The following MAGI2 variants were observed in gnomAD, a reference collection of about 807,000 sequenced individuals.
MAGI2 encodes the protein membrane associated guanylate kinase, WW and PDZ domain containing 2, also known as membrane-associated guanylate kinase, WW and PDZ domain-containing protein 2.
In MAGI2, 35 loss-of-function variants were observed where a neutral mutation model predicts 133.3. That is an observed-to-expected ratio of 0.26 (90% CI 0.20 to 0.35). The LOEUF (loss-of-function observed/expected upper bound fraction) is 0.35. Among genes scored for constraint, MAGI2 ranks in the 10% least tolerant of loss-of-function variants. The probability of loss-of-function intolerance (pLI) is 1.00; values close to 1 mark genes in which losing one functional copy is unlikely to be tolerated. For missense variants in MAGI2, 1,636 were observed against 1,863.4 expected (o/e 0.88, Z 2.25); for synonymous variants, 729 against 710.6 (o/e 1.03, Z -0.41).
At chr7:79,197,100 T>G (rs1828155330) in intron 1 of MAGI2, among the ~76,000 whole-genome samples, 2 of 151,750 alleles carry the variant, frequency 1.3e-5, no homozygotes, top group African/African-American at 4.9e-5. Context: ...GTTTTTTACA[T>G]CAAAAGCCCT....
intron 1 of MAGI2, among the ~76,000 whole-genome samples, chr7:79,237,918 T>C (rs921982086): frequency 2.0e-5 from 3 of 152,174 alleles, no homozygotes; most frequent in Admixed American, 6.5e-5. Context: ...TGGAGAATAT[T>C]ATGGAAAAGG....
At chr7:78,956,718 C>T (rs1802408944) in intron 2 of MAGI2, among the ~76,000 whole-genome samples, 1 of 152,138 alleles carries the variant, frequency 6.6e-6, no homozygotes, top group Admixed American at 6.6e-5. Flanking sequence ...GCATATACTA[C>T]TATTCTCTAA....
intron 3 of MAGI2, among the ~76,000 whole-genome samples, chr7:78,526,930 C>T (rs1479039024): frequency 7.0e-6 from 1 of 141,876 alleles, no homozygotes; most frequent in Non-Finnish European, 1.5e-5. Context: ...ATCGCTTGAA[C>T]CTGGGAGGCA....
At chr7:78,396,942 T>C (rs1796400719) in intron 6 of MAGI2, among the ~76,000 whole-genome samples, 2 of 152,118 alleles carry the variant, frequency 1.3e-5, no homozygotes. Flanking sequence ...TTCATTTAGC[T>C]TCCTAGTTGG....
chr7:78,182,963 T>C (rs1247720996), intron 13 of MAGI2, among the ~76,000 whole-genome samples: 2 of 152,338 alleles, frequency 1.3e-5, no homozygotes, highest in East Asian at 3.9e-4. Flanking sequence ...TAGGAGTTGC[T>C]AAATAAACAT....
At chr7:78,792,648 A>G (rs1432431100) in intron 2 of MAGI2, among the ~76,000 whole-genome samples, 3 of 152,206 alleles carry the variant, frequency 2.0e-5, no homozygotes, top group Non-Finnish European at 4.4e-5. Context: ...TGCTTTTTAT[A>G]TTTCTCACAC....
intron 1 of MAGI2, among the ~76,000 whole-genome samples, chr7:79,235,391 G>C (rs1402114897): frequency 6.6e-6 from 1 of 152,028 alleles, no homozygotes; most frequent in South Asian, 2.1e-4. Context: ...CCCTCCCCCA[G>C]CCTCGCTGCC....
At chr7:78,101,633 T>C (rs1031929689) in intron 20 of MAGI2, among the ~76,000 whole-genome samples, 1 of 152,184 alleles carries the variant, frequency 6.6e-6, no homozygotes, top group South Asian at 2.1e-4. Context: ...CTCCTTGACA[T>C]TGGTTTTGGC....
intron 2 of MAGI2, among the ~76,000 whole-genome samples, chr7:78,647,054 G>A (rs923701088): frequency 1.1e-4 from 17 of 152,052 alleles, no homozygotes; most frequent in Admixed American, 3.9e-4. Context: ...TAAACATATT[G>A]ACCAAACAAT....
At chr7:78,810,481 A>G (rs552317589) in intron 2 of MAGI2, among the ~76,000 whole-genome samples, 2 of 152,330 alleles carry the variant, frequency 1.3e-5, no homozygotes, top group African/African-American at 4.8e-5. Context: ...TTTCATTAAT[A>G]TAAACAGAGT....
intron 2 of MAGI2, among the ~76,000 whole-genome samples, chr7:78,648,302 C>G (rs374843943): frequency 2.6e-5 from 4 of 152,082 alleles, no homozygotes; most frequent in South Asian, 4.1e-4. Flanking sequence ...AAGGAAAAAC[C>G]GAAAAATAAA....
intron 12 of MAGI2, among the ~76,000 whole-genome samples, chr7:78,188,935 C>T (rs3807659): frequency 0.28 from 42,057 of 151,998 alleles, 6,394 homozygotes; most frequent in South Asian, 0.36. Flanking sequence ...GCACCCTAGA[C>T]AGATACTACC....
chr7:78,053,738 T>G (rs1382907017), intron 21 of MAGI2, among the ~76,000 whole-genome samples: 2 of 152,000 alleles, frequency 1.3e-5, no homozygotes, highest in East Asian at 1.9e-4. Context: ...TTTATTGGGG[T>G]GGGTGGATTA....
At chr7:78,859,586 G>A (rs1021510917) in intron 2 of MAGI2, among the ~76,000 whole-genome samples, 1 of 152,206 alleles carries the variant, frequency 6.6e-6, no homozygotes, top group African/African-American at 2.4e-5. Flanking sequence ...CTTCTGGCTT[G>A]TAGAGTTTCT....
chr7:79,403,000 C>T (rs1200361812), intron 1 of MAGI2, among the ~76,000 whole-genome samples: 1 of 152,094 alleles, frequency 6.6e-6, no homozygotes, highest in Non-Finnish European at 1.5e-5. Flanking sequence ...AAAATGCCAC[C>T]TATTTTATTG....
chr7:78,736,866 CTTT>C (rs1821906098), intron 2 of MAGI2, among the ~76,000 whole-genome samples: 1 of 152,124 alleles, frequency 6.6e-6, no homozygotes, highest in South Asian at 2.1e-4. Flanking sequence ...GATTATATAT[CTTT>C]TTAATATTCC....
At chr7:78,056,423 G>A (rs552570351) in intron 21 of MAGI2, among the ~76,000 whole-genome samples, 1 of 152,112 alleles carries the variant, frequency 6.6e-6, no homozygotes, top group South Asian at 2.1e-4. Context: ...CAGCCTAAAT[G>A]CCCATCAATG....
At chr7:78,829,552 A>T (rs1183771798) in intron 2 of MAGI2, among the ~76,000 whole-genome samples, 1 of 152,054 alleles carries the variant, frequency 6.6e-6, no homozygotes, top group African/African-American at 2.4e-5. Context: ...ATACTAAATG[A>T]TTTTAACAAG....
chr7:78,279,595 A>C (rs912513063), intron 9 of MAGI2, among the ~76,000 whole-genome samples: 1 of 152,024 alleles, frequency 6.6e-6, no homozygotes, highest in Non-Finnish European at 1.5e-5. Flanking sequence ...GTCAGGTGGG[A>C]GCTGATGAAA....
Sources: gnomAD v4.1 joint callset for allele counts (sites outside exome capture counted in the v4.1 genomes callset) on GRCh38, gnomAD v4.1.1 for gene constraint, MANE v1.5 for transcripts, NCBI Gene and HGNC (gene_info 2026-07-23, HGNC 2026-07-21) for gene names.